PCDHGB1: variants seen among roughly 807,000 people sequenced by gnomAD.
The protein encoded by PCDHGB1 is protocadherin gamma subfamily B, 1.
In PCDHGB1, 34 loss-of-function variants were observed where a neutral mutation model predicts 56.6. The observed-to-expected ratio is 0.60, with a 90% CI of 0.46 to 0.80. The LOEUF (loss-of-function observed/expected upper bound fraction) is 0.80. Among genes scored for constraint, PCDHGB1 ranks in the 30% least tolerant of loss-of-function variants. The pLI is 0.00. For synonymous variants in PCDHGB1, 561 were observed against 505.9 expected (o/e 1.11, Z -1.46); for missense variants, 1,278 against 1,204.6 (o/e 1.06, Z -0.90).
intron 1 of PCDHGB1, chr5:141,421,959 A>G (rs2096614103): frequency 1.9e-6 from 3 of 1,612,798 alleles, no homozygotes; most frequent in East Asian, 2.2e-5. Flanking sequence ...CAATGTTTAC[A>G]CAGTCCGTAT....
At chr5:141,389,843 G>T (rs372102656) in intron 1 of PCDHGB1, 3 of 1,614,016 alleles carry the variant, frequency 1.9e-6, no homozygotes, top group Non-Finnish European at 2.5e-6. Context: ...CACCACTCTC[G>T]GCCACTGCCA....
intron 1 of PCDHGB1, among the ~76,000 whole-genome samples, chr5:141,492,337 C>T (rs559700346): frequency 1.0e-3 from 158 of 152,324 alleles, no homozygotes; most frequent in African/African-American, 3.7e-3. Flanking sequence ...TACGCGAATA[C>T]CAGCTTTCAC....
At chr5:141,438,232 GT>G (rs531572606) in intron 1 of PCDHGB1, among the ~76,000 whole-genome samples, 207 of 152,154 alleles carry the variant, frequency 1.4e-3, no homozygotes, top group Middle Eastern at 0.01. Flanking sequence ...TCAGGAAAAT[GT>G]TTTTAAAAAA....
chr5:141,469,762 A>G (rs547099941), intron 1 of PCDHGB1, among the ~76,000 whole-genome samples: 15 of 152,360 alleles, frequency 9.8e-5, no homozygotes, highest in African/African-American at 3.4e-4. Flanking sequence ...ATACATATAT[A>G]CCAGCTTATT....
chr5:141,366,661 C>T (rs976652914), intron 1 of PCDHGB1: 1 of 1,614,150 alleles, frequency 6.2e-7, no homozygotes, highest in Admixed American at 1.7e-5. Flanking sequence ...ACTACGCAGA[C>T]ACGCTCCTTA....
chr5:141,441,840 C>T (rs2098278154), intron 1 of PCDHGB1: 1 of 355,864 alleles, frequency 2.8e-6, no homozygotes, highest in Non-Finnish European at 5.5e-6. Flanking sequence ...GCTTCGCGCT[C>T]TTGGATATGG....
chr5:141,372,554 A>T, intron 1 of PCDHGB1: 1 of 1,612,360 alleles, frequency 6.2e-7, no homozygotes, highest in Non-Finnish European at 8.5e-7. Flanking sequence ...GCTCCTCCAG[A>T]CCCGCCACTG....
At chr5:141,380,058 C>T (rs1231461261) in intron 1 of PCDHGB1, among the ~76,000 whole-genome samples, 2 of 151,888 alleles carry the variant, frequency 1.3e-5, no homozygotes, top group Admixed American at 1.3e-4. Context: ...TGCCACCATG[C>T]CTAGCTAATT....
intron 1 of PCDHGB1, among the ~76,000 whole-genome samples, chr5:141,459,660 T>C (rs73280323): frequency 7.9e-4 from 120 of 152,386 alleles, no homozygotes; most frequent in African/African-American, 2.7e-3. Flanking sequence ...AATATCACTT[T>C]ACATTTTCAT....
At chr5:141,389,160 G>C in intron 1 of PCDHGB1, 4 of 1,613,996 alleles carry the variant, frequency 2.5e-6, no homozygotes, top group Non-Finnish European at 3.4e-6. Flanking sequence ...AACAGATCGG[G>C]GCAAGCCTCC....
chr5:141,422,996 C>T (rs1473025630), intron 1 of PCDHGB1: 1 of 1,614,224 alleles, frequency 6.2e-7, no homozygotes, highest in South Asian at 1.1e-5. Context: ...TACCTGGTGA[C>T]CAAGGTGGTT....
In PCDHGB1 at chr5:141,485,580, A is replaced by C. The variant is rs761157560; in HGVS notation, c.2410-9227A>C. The C allele has an allele frequency of 6.2e-7, 1 of 1,612,610 alleles. No homozygotes were observed. The highest frequency in any genetic ancestry group is 2.2e-5 in the East Asian group (1 of 44,850). ...GATCACGCCCCCCGTTTTCCGCGGCAGCAGCTGGACTTGGAAATTGGGGAG... is the reference window on the plus strand; with the variant it reads ...GATCACGCCCCCCGTTTTCCGCGGCCGCAGCTGGACTTGGAAATTGGGGAG... On this transcript the variant is annotated intron_variant, in intron 1 of 3. Transcript: ENST00000523390. The surrounding 1 kb of genome is among the most constrained non-coding windows in gnomAD (Gnocchi z 5.7).
At chr5:141,496,121 C>G (rs1391009290) in intron 2 of PCDHGB1, among the ~76,000 whole-genome samples, 1 of 152,088 alleles carries the variant, frequency 6.6e-6, no homozygotes, top group Non-Finnish European at 1.5e-5. Context: ...TCCTTCCCTG[C>G]CCCTCACACA....
chr5:141,415,325 C>A (rs1046074461), intron 1 of PCDHGB1: 2 of 1,614,094 alleles, frequency 1.2e-6, no homozygotes, highest in Non-Finnish European at 1.7e-6. Context: ...GTGCTGCTGG[C>A]GCACAGGCTG....
chr5:141,402,394 G>T (rs928311359), intron 1 of PCDHGB1, among the ~76,000 whole-genome samples: 5 of 151,852 alleles, frequency 3.3e-5, no homozygotes, highest in Non-Finnish European at 7.4e-5. Context: ...AATTACTTCA[G>T]AAAATTGTTA....
rs1197774996 is a variant in PCDHGB1 at position 141,352,638 on chromosome 5, A to G, written c.2378A>G (p.Lys793Arg). The change falls in exon 1 of 4, where the codon AAA becomes AGA. Residue 793 changes from lysine to arginine, a missense_variant. Coordinates refer to ENST00000523390, the MANE Select transcript of PCDHGB1 (RefSeq NM_018922.3). Reference protein sequence around the residue: ...MVVCASNEDHKIAYDPSLSSH... With the variant: ...MVVCASNEDHRIAYDPSLSSH... The stretch of plus-strand genomic sequence containing the variant: ...GTATGTGCCAGTAATGAAGATCACA[A>G]AATCGCTTATGACCCTTCTTTGTCT... 6.2e-7 allele frequency: 1 copy of G among 1,609,254 alleles called. No homozygotes were observed. The highest frequency in any genetic ancestry group is 1.1e-5 in the South Asian group (1 of 90,570).
chr5:141,405,746 G>A (rs1174743960), intron 1 of PCDHGB1, among the ~76,000 whole-genome samples: 1 of 152,108 alleles, frequency 6.6e-6, no homozygotes, highest in Non-Finnish European at 1.5e-5. Context: ...CCAAAGCACT[G>A]GGATTACAGG....
chr5:141,485,275 G>T lies in PCDHGB1; in HGVS notation c.2410-9532G>T, dbSNP rs77402299. ...ACGTTTGTGGGCAGATCCGCTACCC[G>T]GTCCCAGAGGAGTCACAGGAAGGGA... is the stretch of plus-strand genomic sequence containing the variant. On this transcript the variant is annotated intron_variant, in intron 1 of 3. Coordinates refer to ENST00000523390, the MANE Select transcript of PCDHGB1 (RefSeq NM_018922.3). The surrounding 1 kb of genome is among the most constrained non-coding windows in gnomAD (Gnocchi z 5.7). 1.1e-5 allele frequency: 18 copies of T among 1,614,072 alleles called. No individual in the cohort carries two copies. The South Asian group carries it at 1.4e-4, about 13-fold the overall frequency.
At chr5:141,421,371 T>C in intron 1 of PCDHGB1, 2 of 1,614,028 alleles carry the variant, frequency 1.2e-6, no homozygotes, top group Non-Finnish European at 1.7e-6. Flanking sequence ...TCGTGGGCAA[T>C]ATCTCCAAGG....
Sources: gnomAD v4.1 joint callset for allele counts (sites outside exome capture counted in the v4.1 genomes callset) on GRCh38, gnomAD v4.1.1 for gene constraint, Gnocchi (gnomAD v3.1) non-coding constraint, MANE v1.5 for transcripts, NCBI Gene and HGNC (gene_info 2026-07-23, HGNC 2026-07-21) for gene names.